LIMS1: variants seen among roughly 807,000 people sequenced by gnomAD.
LIMS1 encodes the protein LIM and senescent cell antigen-like-containing domain protein 1.
A neutral mutation model predicts 44.1 loss-of-function variants in LIMS1; 18 were observed. The ratio of observed to expected loss-of-function variants is 0.41; its 90% CI spans 0.28 to 0.61. The LOEUF is 0.61. Among genes scored for constraint, LIMS1 ranks in the 20% least tolerant of loss-of-function variants. LIMS1 has a pLI of 0.32. For missense variants in LIMS1, 201 were observed against 422.0 expected, an observed-to-expected ratio of 0.48 and a Z score of 4.59; for synonymous variants, 93 against 149.1, an observed-to-expected ratio of 0.62 and a Z score of 2.74.
chr2:108,555,766 G>T (rs973622743), intron 1 of LIMS1, among the ~76,000 whole-genome samples: 2 of 152,242 alleles, frequency 1.3e-5, no homozygotes, highest in Non-Finnish European at 2.9e-5. Context: ...ACTCAGAAGT[G>T]CTGTGTGCTG....
intron 1 of LIMS1, among the ~76,000 whole-genome samples, chr2:108,654,078 A>G (rs1340664531): frequency 1.3e-5 from 2 of 151,680 alleles, no homozygotes. Flanking sequence ...TCGCGGGCAA[A>G]TGGTGAGGGA....
chr2:108,570,004 A>G (rs1422277928), intron 1 of LIMS1, among the ~76,000 whole-genome samples: 2 of 152,188 alleles, frequency 1.3e-5, no homozygotes, highest in Non-Finnish European at 2.9e-5. Flanking sequence ...TTGCCACTAC[A>G]TAAATGGAGA....
At chr2:108,574,057 A>G (rs2104638301) in intron 1 of LIMS1, among the ~76,000 whole-genome samples, 1 of 152,198 alleles carries the variant, frequency 6.6e-6, no homozygotes, top group East Asian at 1.9e-4. Context: ...ACCAAAAAAA[A>G]GTGGAAATCA....
At chr2:108,561,616 G>C (rs1002893647) in intron 1 of LIMS1, among the ~76,000 whole-genome samples, 16 of 152,024 alleles carry the variant, frequency 1.1e-4, no homozygotes, top group African/African-American at 3.6e-4. Flanking sequence ...AAGTCTGTTG[G>C]TGCCATTTTT....
intron 1 of LIMS1, among the ~76,000 whole-genome samples, chr2:108,614,114 GT>G (rs902314103): frequency 1.1e-4 from 17 of 152,152 alleles, no homozygotes; most frequent in Non-Finnish European, 1.8e-4. Context: ...CTTCTGTGTT[GT>G]TTCTTATACT....
chr2:108,590,584 C>T (rs778630081), intron 1 of LIMS1, among the ~76,000 whole-genome samples: 5 of 152,204 alleles, frequency 3.3e-5, no homozygotes, highest in African/African-American at 4.8e-5. Context: ...GAGCGGGGAA[C>T]CCCCTTCAAT....
At chr2:108,681,054 A>C in intron 9 of LIMS1, 1 of 1,295,348 alleles carries the variant, frequency 7.7e-7, no homozygotes, top group Non-Finnish European at 9.8e-7. Context: ...GCGACTTGCC[A>C]AACGGGAGAG....
chr2:108,578,991 T>TTA (rs1361849400), intron 1 of LIMS1, among the ~76,000 whole-genome samples: 5 of 152,212 alleles, frequency 3.3e-5, no homozygotes, highest in Admixed American at 3.3e-4. Context: ...AGTCTTAAAT[T>TTA]TCAGGTTAGC....
intron 1 of LIMS1, among the ~76,000 whole-genome samples, chr2:108,573,728 T>C (rs1685569521): frequency 6.6e-6 from 1 of 152,130 alleles, no homozygotes; most frequent in Non-Finnish European, 1.5e-5. Context: ...ATAAAGCGTA[T>C]AGTGTATCAG....
At chr2:108,559,954 C>A (rs1029511958) in intron 1 of LIMS1, among the ~76,000 whole-genome samples, 2 of 152,010 alleles carry the variant, frequency 1.3e-5, no homozygotes, top group Non-Finnish European at 2.9e-5. Flanking sequence ...GCCAGCCCCA[C>A]CACCTCCCAT....
chr2:108,634,342 A>C (rs1689094918), intron 1 of LIMS1, among the ~76,000 whole-genome samples: 3 of 152,232 alleles, frequency 2.0e-5, no homozygotes, highest in Non-Finnish European at 4.4e-5. Flanking sequence ...AATGGGAGAG[A>C]GGTAGATAAT....
chr2:108,685,215 C>T (rs1367771427), exon 10 of LIMS1: 1 of 152,016 alleles, frequency 6.6e-6, no homozygotes, highest in Non-Finnish European at 1.5e-5. Flanking sequence ...GTATAAATGA[C>T]ACTCTTAAAT....
At chr2:108,641,228 A>G (rs931495615) in intron 1 of LIMS1, among the ~76,000 whole-genome samples, 11 of 152,218 alleles carry the variant, frequency 7.2e-5, no homozygotes, top group African/African-American at 2.7e-4. Context: ...ACCTGATATC[A>G]TAATGGCATT....
At chr2:108,685,245 G>A (rs1469991684) in exon 10 of LIMS1, 2 of 152,094 alleles carry the variant, frequency 1.3e-5, no homozygotes, top group Non-Finnish European at 2.9e-5. Context: ...GGGTGTTTTA[G>A]TGTCTGTTTT....
intron 8 of LIMS1, among the ~76,000 whole-genome samples, chr2:108,680,306 G>T (rs1692871345): frequency 6.7e-6 from 1 of 149,028 alleles, no homozygotes; most frequent in Non-Finnish European, 1.5e-5. Context: ...GGCGGAGGTT[G>T]CAGTGAGCCG....
At chr2:108,566,641 G>A (rs1030107523) in intron 1 of LIMS1, among the ~76,000 whole-genome samples, 6 of 151,932 alleles carry the variant, frequency 3.9e-5, no homozygotes, top group African/African-American at 1.5e-4. Flanking sequence ...TTGTCACCCA[G>A]GCTGGAGTGC....
intron 2 of LIMS1, among the ~76,000 whole-genome samples, chr2:108,666,933 T>C (rs1691799549): frequency 6.6e-6 from 1 of 152,178 alleles, no homozygotes; most frequent in South Asian, 2.1e-4. Flanking sequence ...TCTGGGAAAC[T>C]ACACTGTGTT....
At chr2:108,687,067 C>T (rs1323049853) in exon 10 of LIMS1, 2 of 152,232 alleles carry the variant, frequency 1.3e-5, no homozygotes, top group African/African-American at 4.8e-5. Flanking sequence ...TTGCCTCACT[C>T]ATTTGCCAAA....
intron 1 of LIMS1, among the ~76,000 whole-genome samples, chr2:108,554,703 C>T (rs950825794): frequency 6.6e-6 from 1 of 152,126 alleles, no homozygotes; most frequent in African/African-American, 2.4e-5. Context: ...ATGTTCAGAG[C>T]GCAGCTGGCA....
Sources: allele counts gnomAD v4.1 joint callset (sites outside exome capture counted in the v4.1 genomes callset), GRCh38; gene constraint gnomAD v4.1.1; transcripts MANE v1.5; gene names NCBI Gene and HGNC (gene_info 2026-07-23, HGNC 2026-07-21).